Variants in FNTB observed in about 807,000 individuals in gnomAD.
FNTB encodes the protein protein farnesyltransferase subunit beta.
FNTB carries 27 observed loss-of-function variants against 59.4 expected under a neutral mutation model. That is an observed-to-expected ratio of 0.45 (90% CI 0.34 to 0.63). The LOEUF (loss-of-function observed/expected upper bound fraction) is 0.63. Among genes scored for constraint, FNTB ranks in the 20% least tolerant of loss-of-function variants. The probability of loss-of-function intolerance (pLI) is 0.02; values close to 1 mark genes in which losing one functional copy is unlikely to be tolerated. For missense variants in FNTB, 449 were observed against 559.6 expected, an observed-to-expected ratio of 0.80 and a Z score of 1.99; for synonymous variants, 230 against 220.7, an observed-to-expected ratio of 1.04 and a Z score of -0.37.
intron 4 of FNTB, among the ~76,000 whole-genome samples, chr14:65,016,943 GAC>G (rs1231046683): frequency 6.5e-5 from 6 of 92,326 alleles, no homozygotes; most frequent in Non-Finnish European, 1.3e-4. Flanking sequence ...TTTTTTTTGA[GAC>G]AGAGTTTCAC....
rs147153531 is a variant in FNTB at position 65,041,137 on chromosome 14, C to T, written c.822+218C>T. Reference sequence around the variant, plus strand: ...AGCTTTTTACATAGTGTGTAGACTACATAGACTGTGTGCTGCAGACATCTG... The same window carrying T: ...AGCTTTTTACATAGTGTGTAGACTATATAGACTGTGTGCTGCAGACATCTG... On this transcript the variant is annotated intron_variant, in intron 8 of 11. Coordinates refer to ENST00000246166, the MANE Select transcript of FNTB (RefSeq NM_002028.4). 3.4e-3 allele frequency among the ~76,000 whole-genome samples: 517 copies of T among 152,310 alleles called. 1 individual carries two copies. Among genetic ancestry groups the T allele is most frequent in the African/African-American group, 0.012 (489 of 41,568 alleles).
intron 2 of FNTB, among the ~76,000 whole-genome samples, chr14:65,006,500 G>A (rs933349454): frequency 2.0e-5 from 3 of 152,156 alleles, no homozygotes; most frequent in Non-Finnish European, 2.9e-5. Context: ...TTGGCAGTTC[G>A]CTGCCCCTAG....
intron 7 of FNTB, among the ~76,000 whole-genome samples, chr14:65,036,224 T>A (rs2062189447): frequency 6.6e-6 from 1 of 152,108 alleles, no homozygotes; most frequent in Non-Finnish European, 1.5e-5. Flanking sequence ...ATACTGAATT[T>A]AATTAATTTA....
intron 1 of FNTB, among the ~76,000 whole-genome samples, chr14:64,995,209 G>A (rs926212536): frequency 6.6e-6 from 1 of 152,154 alleles, no homozygotes; most frequent in Non-Finnish European, 1.5e-5. Flanking sequence ...ACAGTGATAG[G>A]CATGGAGCTG....
intron 11 of FNTB, among the ~76,000 whole-genome samples, chr14:65,056,230 T>A (rs1318321184): frequency 6.7e-6 from 1 of 150,072 alleles, no homozygotes; most frequent in African/African-American, 2.5e-5. Flanking sequence ...TGTGTTCACA[T>A]GTGTTGCTCC....
At chr14:64,987,222 C>T (rs1887980723) in intron 1 of FNTB, 125 bp downstream of exon 1, 1 of 1,213,660 alleles carries the variant, frequency 8.2e-7, no homozygotes, top group African/African-American at 1.5e-5. Flanking sequence ...ACCGCGGTGC[C>T]TTTCCTCTGG....
Position 65,011,416 on chromosome 14 carries a change from G to T in FNTB, c.210-901G>T, listed in dbSNP as rs547344903. Among the ~76,000 whole-genome samples, 2 of 137,390 alleles carry T rather than the reference G, an allele frequency of 1.5e-5. No individual in the cohort carries two copies. The highest frequency in any genetic ancestry group is 2.3e-4 in the East Asian group (1 of 4,298). 90.1% of individuals were successfully genotyped at this position (137,390 alleles called of 152,430 possible). On this transcript the variant is annotated intron_variant, in intron 2 of 11. Coordinates refer to ENST00000246166, the MANE Select transcript of FNTB (RefSeq NM_002028.4). The surrounding 1 kb of genome is among the most constrained non-coding windows in gnomAD (Gnocchi z 4.0). ...TGCACTCCAGCCTGGGTGACAGAGC[G>T]AGACTCCGTCTCAGGAAAAAAAAAA...
chr14:65,037,962 G>T (rs1424970445), intron 7 of FNTB, among the ~76,000 whole-genome samples: 1 of 150,900 alleles, frequency 6.6e-6, no homozygotes, highest in Non-Finnish European at 1.5e-5. Context: ...ACGGGGTTTC[G>T]CCATGTTGAT....
At chr14:65,038,578 C>T (rs1467732635) in intron 7 of FNTB, among the ~76,000 whole-genome samples, 6 of 146,670 alleles carry the variant, frequency 4.1e-5, no homozygotes, top group South Asian at 2.2e-4. Context: ...ATTAGCCGGG[C>T]GTGGTGGCAT....
chr14:65,060,644 C>T (rs1339744181), intron 11 of FNTB, among the ~76,000 whole-genome samples: 2 of 100,218 alleles, frequency 2.0e-5, no homozygotes, highest in Non-Finnish European at 3.5e-5. Flanking sequence ...TGCAGTGAGC[C>T]GAGATCCCGC....
chr14:65,043,638 A>C (rs568865851), intron 8 of FNTB, among the ~76,000 whole-genome samples: 105 of 151,332 alleles, frequency 6.9e-4, no homozygotes, highest in South Asian at 3.1e-3. Context: ...CTGGCTAACA[A>C]GGTGAAACCC....
At chr14:65,000,267 C>T (rs1213105381) in intron 1 of FNTB, among the ~76,000 whole-genome samples, 1 of 152,108 alleles carries the variant, frequency 6.6e-6, no homozygotes. Context: ...CTTCCATATC[C>T]GTGGGTTCTG....
Position 65,029,022 on chromosome 14 carries a change from T to C in FNTB, c.605+1241T>C, listed in dbSNP as rs575261263. Among the ~76,000 whole-genome samples, 239 of 152,340 alleles carry C rather than the reference T, an allele frequency of 1.6e-3. No homozygotes were observed. Among genetic ancestry groups the C allele is most frequent in the Non-Finnish European group, 2.1e-3 (146 of 68,040 alleles). On this transcript the variant is annotated intron_variant, in intron 6 of 11. Transcript: ENST00000246166. This position sits in a 1 kb window ranked among gnomAD's most constrained non-coding sequence, Gnocchi z 4.7. ...CTTATTCATTCCAGCACTTTTTTTTTCCCTATGCTCTTTATTTATATGTTC... is the reference window on the plus strand; with the variant it reads ...CTTATTCATTCCAGCACTTTTTTTTCCCCTATGCTCTTTATTTATATGTTC...
chr14:65,030,580 A>G lies in FNTB; in HGVS notation c.606-2030A>G, dbSNP rs941993212. Among the ~76,000 whole-genome samples, 4 of 152,002 alleles carry G rather than the reference A, an allele frequency of 2.6e-5. No individual in the cohort carries two copies. The highest frequency in any genetic ancestry group is 5.9e-5 in the Non-Finnish European group (4 of 68,008). On this transcript the variant is annotated intron_variant, in intron 6 of 11. Transcript: ENST00000246166. The surrounding 1 kb of genome is among the most constrained non-coding windows in gnomAD (Gnocchi z 4.5). Reference sequence around the variant, plus strand: ...ACAGCAAGACCCTGTCTCTACAAAAAATTTTTAAAAAATTAGCCAGGTGTG... The same window carrying G: ...ACAGCAAGACCCTGTCTCTACAAAAGATTTTTAAAAAATTAGCCAGGTGTG...
At chr14:65,048,637 G>T (rs1390808160) in intron 9 of FNTB, among the ~76,000 whole-genome samples, 1 of 152,190 alleles carries the variant, frequency 6.6e-6, no homozygotes, top group East Asian at 1.9e-4. Flanking sequence ...AGGACCTCTT[G>T]AGCTCAGGAG....
intron 7 of FNTB, among the ~76,000 whole-genome samples, chr14:65,037,744 A>T (rs200963263): frequency 0.28 from 15,356 of 55,028 alleles, 960 homozygotes; most frequent in Non-Finnish European, 0.32. Context: ...TTTATTTATT[A>T]TTTATTTATT....
rs1048808825 is a variant in FNTB, at chr14:65,031,837, C to G, written c.606-773C>G. Among the ~76,000 whole-genome samples, 6 of 152,108 alleles carry G rather than the reference C, an allele frequency of 3.9e-5. No homozygotes were observed. The highest frequency in any genetic ancestry group is 1.2e-4 in the African/African-American group (5 of 41,442). On this transcript the variant is annotated intron_variant, in intron 6 of 11. Coordinates refer to ENST00000246166, the MANE Select transcript of FNTB (RefSeq NM_002028.4). This position sits in a 1 kb window ranked among gnomAD's most constrained non-coding sequence, Gnocchi z 4.6. ...TTGGGAGGCTGATACAGGAGAATTGCTTGAACCCAGGAGGCGGAGGTTGCA... is the reference window on the plus strand; with the variant it reads ...TTGGGAGGCTGATACAGGAGAATTGGTTGAACCCAGGAGGCGGAGGTTGCA...
At position 65,009,422 on chromosome 14, in the gene FNTB, C is replaced by T. The variant is rs2061651017; in HGVS notation, c.210-2895C>T. ...AACACACCCACCACCGTGGCCACTC[C>T]ACAGCTCTCCCACCATCTTGACTCC... On this transcript the variant is annotated intron_variant, in intron 2 of 11. Transcript: ENST00000246166. The surrounding 1 kb of genome is among the most constrained non-coding windows in gnomAD (Gnocchi z 4.2). 6.6e-6 allele frequency among the ~76,000 whole-genome samples: 1 copy of T among 152,126 alleles called. No individual in the cohort carries two copies. Among genetic ancestry groups the T allele is most frequent in the Non-Finnish European group, 1.5e-5 (1 of 68,010 alleles).
At chr14:65,042,202 G>C (rs575186239) in intron 8 of FNTB, among the ~76,000 whole-genome samples, 4 of 152,030 alleles carry the variant, frequency 2.6e-5, no homozygotes, top group African/African-American at 9.7e-5. Flanking sequence ...GGTGGGACGG[G>C]GGGTGATGGC....
Sources: gnomAD v4.1 joint callset for allele counts (sites outside exome capture counted in the v4.1 genomes callset) on GRCh38, gnomAD v4.1.1 for gene constraint, Gnocchi (gnomAD v3.1) non-coding constraint, MANE v1.5 for transcripts, NCBI Gene and HGNC (gene_info 2026-07-23, HGNC 2026-07-21) for gene names.